RBPJ: variants seen among roughly 807,000 people sequenced by gnomAD.
RBPJ encodes the protein recombination signal binding protein for immunoglobulin kappa J region.
A neutral mutation model predicts 67.8 loss-of-function variants in RBPJ; 9 were observed. The observed-to-expected ratio is 0.13, with a 90% CI of 0.08 to 0.23. The LOEUF (loss-of-function observed/expected upper bound fraction) is 0.23, where lower values mean the gene tolerates loss of function less well. Among genes scored for constraint, RBPJ ranks in the 10% least tolerant of loss-of-function variants. The pLI, the probability that RBPJ is intolerant of heterozygous loss-of-function variation, is 1.00. For missense variants in RBPJ, 305 were observed against 595.6 expected (o/e 0.51, Z 5.08); for synonymous variants, 198 against 203.3 (o/e 0.97, Z 0.22).
chr4:26,255,584 C>CCG lies in RBPJ; in HGVS notation c.-167+91970_-167+91971insCG, dbSNP rs1720305118. 2.0e-5 allele frequency among the ~76,000 whole-genome samples: 3 copies of CCG among 149,098 alleles called. No individual in the cohort carries two copies. The East Asian group carries it at 6.1e-4, about 30-fold the overall frequency. ...TTGGGAGGCCAAGGCGGGCGGATCA[C>CCG]GAGGTCGGGAGATCGAGACCATCCT... is the stretch of plus-strand genomic sequence containing the variant. On this transcript the variant is annotated intron_variant, in intron 1 of 4. Coordinates refer to the RBPJ transcript ENST00000512351.
intron 1 of RBPJ, among the ~76,000 whole-genome samples, chr4:26,241,855 G>A (rs1489217701): frequency 6.6e-6 from 1 of 151,980 alleles, no homozygotes; most frequent in African/African-American, 2.4e-5. Flanking sequence ...CTCCTCTTAA[G>A]GGGGAATTTT....
At chr4:26,428,357 G>A (rs1181656864) in intron 7 of RBPJ, among the ~76,000 whole-genome samples, 3 of 152,080 alleles carry the variant, frequency 2.0e-5, no homozygotes, top group East Asian at 1.9e-4. Flanking sequence ...AGAATATCAG[G>A]CCCCACAAGA....
chr4:26,287,361 G>A (rs1056616618), intron 1 of RBPJ, among the ~76,000 whole-genome samples: 5 of 151,634 alleles, frequency 3.3e-5, no homozygotes, highest in Non-Finnish European at 2.9e-5. Flanking sequence ...GCAGCATAGC[G>A]AGACCCCATC....
intron 1 of RBPJ, among the ~76,000 whole-genome samples, chr4:26,364,968 C>T (rs1728478280): frequency 6.6e-6 from 1 of 151,840 alleles, no homozygotes; most frequent in African/African-American, 2.4e-5. Context: ...CCTGGGGTCA[C>T]CTCACCTGCA....
At chr4:26,224,032 G>C (rs1315073847) in intron 1 of RBPJ, among the ~76,000 whole-genome samples, 2 of 152,130 alleles carry the variant, frequency 1.3e-5, no homozygotes, top group Admixed American at 6.6e-5. Context: ...AGATAATAGA[G>C]AGAGTTTAGA....
chr4:26,376,003 T>G (rs1312810226), intron 1 of RBPJ, among the ~76,000 whole-genome samples: 1 of 152,192 alleles, frequency 6.6e-6, no homozygotes, highest in Non-Finnish European at 1.5e-5. Context: ...TTTCTGTTAC[T>G]GGGCAGCTGG....
At chr4:26,246,156 A>G (rs1391871065) in intron 1 of RBPJ, among the ~76,000 whole-genome samples, 1 of 152,184 alleles carries the variant, frequency 6.6e-6, no homozygotes, top group African/African-American at 2.4e-5. Flanking sequence ...TTTGGGAACT[A>G]TTATCATCTT....
chr4:26,181,179 C>T (rs951723206), intron 1 of RBPJ, among the ~76,000 whole-genome samples: 3 of 152,138 alleles, frequency 2.0e-5, no homozygotes, highest in Admixed American at 6.6e-5. Context: ...AGACTAATAC[C>T]GTGTGTTTTT....
At chr4:26,324,170 C>T (rs1723374987) in intron 1 of RBPJ, among the ~76,000 whole-genome samples, 1 of 152,056 alleles carries the variant, frequency 6.6e-6, no homozygotes, top group African/African-American at 2.4e-5. Context: ...TGGGGAAGGT[C>T]TAGGAATTGT....
intron 3 of RBPJ, among the ~76,000 whole-genome samples, chr4:26,408,409 C>T (rs114447930): frequency 0.02 from 3,017 of 150,020 alleles, 56 homozygotes; most frequent in Non-Finnish European, 0.028. Context: ...TTTTTTCCCA[C>T]GAAGTTGATA....
chr4:26,214,887 GAGAA>G, intron 1 of RBPJ, among the ~76,000 whole-genome samples: 1 of 44,036 alleles, frequency 2.3e-5, no homozygotes, highest in Non-Finnish European at 3.8e-5. Context: ...GAAAAAGAGA[GAGAA>G]AAAAGAGAAA....
At chr4:26,316,534 T>TATATTCATGTATATATTC (rs1553861007), upstream of RBPJ, among the ~76,000 whole-genome samples, 4 of 110,582 alleles carry the variant, frequency 3.6e-5, no homozygotes, top group African/African-American at 1.6e-4. Context: ...TATATATTCA[T>TATATTCATGTATATATTC]ATATATATTC....
chr4:26,341,623 CAAAA>C (rs1178702818), intron 1 of RBPJ, among the ~76,000 whole-genome samples: 1 of 143,712 alleles, frequency 7.0e-6, no homozygotes, highest in Admixed American at 7.0e-5. Flanking sequence ...CAAAACAAAA[CAAAA>C]CAAAACAAAA....
At chr4:26,299,511 T>G (rs1049715384) in intron 1 of RBPJ, among the ~76,000 whole-genome samples, 14 of 152,284 alleles carry the variant, frequency 9.2e-5, no homozygotes, top group Admixed American at 2.0e-4. Context: ...CATTTTAGGC[T>G]GTTTTCCTCT....
intron 2 of RBPJ, among the ~76,000 whole-genome samples, chr4:26,398,261 G>GT (rs1386821527): frequency 2.0e-5 from 3 of 152,126 alleles, no homozygotes; most frequent in Non-Finnish European, 4.4e-5. Context: ...CTTTGTGGTG[G>GT]TTTTCTCCTC....
chr4:26,391,256 A>G (rs1188195873), intron 2 of RBPJ, among the ~76,000 whole-genome samples: 2 of 152,254 alleles, frequency 1.3e-5, no homozygotes, highest in African/African-American at 4.8e-5. Flanking sequence ...CTATAAAGCT[A>G]TGGTAATTTA....
chr4:26,409,691 G>T (rs1577638925), intron 3 of RBPJ, among the ~76,000 whole-genome samples: 1 of 152,030 alleles, frequency 6.6e-6, no homozygotes, highest in East Asian at 1.9e-4. Context: ...GTAGAGACGG[G>T]GTTTCACCAT....
chr4:26,397,072 T>C (rs1732194355), intron 2 of RBPJ, among the ~76,000 whole-genome samples: 1 of 152,210 alleles, frequency 6.6e-6, no homozygotes, highest in South Asian at 2.1e-4. Context: ...GCTTGGAAAA[T>C]GAAACCTACA....
At chr4:26,176,147 T>C (rs1560198001) in intron 1 of RBPJ, among the ~76,000 whole-genome samples, 1 of 152,208 alleles carries the variant, frequency 6.6e-6, no homozygotes, top group Non-Finnish European at 1.5e-5. Context: ...AACAAACAAA[T>C]AAAAAGTTTG....
Sources: gnomAD v4.1 joint callset for allele counts (sites outside exome capture counted in the v4.1 genomes callset) on GRCh38, gnomAD v4.1.1 for gene constraint, MANE v1.5 for transcripts, NCBI Gene and HGNC (gene_info 2026-07-23, HGNC 2026-07-21) for gene names.